Variants in CEP290 observed in about 807,000 individuals in gnomAD.
CEP290 encodes the protein centrosomal protein 290.
CEP290 carries 317 observed loss-of-function variants against 344.9 expected under a neutral mutation model. The observed-to-expected ratio is 0.92, with a 90% CI of 0.84 to 1.01. The LOEUF (loss-of-function observed/expected upper bound fraction) is 1.01. Among genes scored for constraint, CEP290 ranks in the 50% least tolerant of loss-of-function variants. The pLI is 0.00. For missense variants in CEP290, 2,754 were observed against 2,761.4 expected, an observed-to-expected ratio of 1.00 and a Z score of 0.06; for synonymous variants, 932 against 895.8, an observed-to-expected ratio of 1.04 and a Z score of -0.72.
In CEP290 at chr12:88,071,818, TTAAAG is replaced by T. The variant is rs62638180; in HGVS notation, c.5813_5817del (p.Thr1938AsnfsTer16). ...TCCTTCAAAGTATTCAACTGCTTTG[TTAAAG>T]TAAAGACTTCCCCCTCTTTCTCTTT... On this transcript the variant is annotated frameshift_variant, in exon 42 of 54. Coordinates refer to ENST00000552810, the MANE Select transcript of CEP290 (RefSeq NM_025114.4). LOFTEE classifies it high-confidence loss of function. 9 of 1,602,494 alleles carry T rather than the reference TTAAAG, an allele frequency of 5.6e-6. No individual in the cohort carries two copies. The highest frequency in any genetic ancestry group is 2.7e-5 in the African/African-American group (2 of 74,460).
Position 88,086,400 on chromosome 12 carries a change from C to T in CEP290, c.4293G>A (p.Ala1431=), listed in dbSNP as rs377614744. 2.8e-5 allele frequency: 44 copies of T among 1,583,996 alleles called. No individual in the cohort carries two copies. Among genetic ancestry groups the T allele is most frequent in the Non-Finnish European group, 3.5e-5 (41 of 1,162,642 alleles). Residue 1431 remains alanine (A), a synonymous_variant, in exon 33 of 54, where the codon GCG becomes GCA. Transcript: ENST00000552810. ...GATTAATCATTCATACCTTTTGTGC[C>T]GCATTTAGTATTTCATTTTGCTGAC... is the stretch of plus-strand genomic sequence containing the variant. ...FDRQQNEILN[A]AQKFEEATGS...
chr12:88,085,432 C>A (rs1239371807), intron 34 of CEP290, among the ~76,000 whole-genome samples: 5 of 152,002 alleles, frequency 3.3e-5, no homozygotes, highest in Non-Finnish European at 7.4e-5. Flanking sequence ...TGAAGAAAAT[C>A]TACGTTTCCT....
At chr12:88,090,684 G>T in intron 30 of CEP290, 44 bp downstream of exon 30, 1 of 1,172,392 alleles carries the variant, frequency 8.5e-7, no homozygotes, top group Non-Finnish European at 1.2e-6. Context: ...GTAAATTTAG[G>T]GAAAAAAGTG....
chr12:88,096,622 G>A (rs764556436), intron 27 of CEP290, among the ~76,000 whole-genome samples: 11 of 151,782 alleles, frequency 7.2e-5, no homozygotes, highest in Non-Finnish European at 1.6e-4. Context: ...ATTGTTAAAC[G>A]GTTCAAAGTA....
intron 51 of CEP290, 115 bp from the exon 52 acceptor site, chr12:88,053,861 G>A (rs531502015): frequency 1.5e-5 from 8 of 535,612 alleles, no homozygotes; most frequent in African/African-American, 1.2e-4. Context: ...AGCCTTTATC[G>A]AAGTAAACAT....
rs1217541183 is a variant in CEP290 at position 88,106,717 on chromosome 12, C to A, written c.2775G>T (p.Glu925Asp). The change falls in exon 25 of 54, where the codon GAG (glutamate) becomes GAT (aspartate). Residue 925 changes from glutamate to aspartate, a missense_variant. By Grantham distance (45) the Glu-to-Asp change is conservative (BLOSUM62 2). Coordinates refer to ENST00000552810, the MANE Select transcript of CEP290 (RefSeq NM_025114.4). ...ACCCAATTTTTTCACAAACTTCAGC[C>A]TCCATTGACAACAATTCATTCTTTT... Reference protein sequence around the residue: ...EKQKNELLSMEAEVCEKIGCL... With the variant: ...EKQKNELLSMDAEVCEKIGCL... 6.2e-7 allele frequency: 1 copy of A among 1,611,386 alleles called. No homozygotes were observed. The highest frequency in any genetic ancestry group is 8.5e-7 in the Non-Finnish European group (1 of 1,178,954).
chr12:88,131,143 C>A, intron 7 of CEP290, 22 bp downstream of exon 7: 2 of 1,489,426 alleles, frequency 1.3e-6, no homozygotes, highest in South Asian at 1.4e-5. Flanking sequence ...GTTGAACCAC[C>A]ACAACTACTA....
intron 28 of CEP290, 145 bp downstream of exon 28, chr12:88,093,625 C>A: frequency 3.5e-6 from 2 of 576,330 alleles, no homozygotes; most frequent in African/African-American, 1.9e-5. Flanking sequence ...AGATTTAAAT[C>A]TTTTATTTAT....
intron 40 of CEP290, 92 bp downstream of exon 40, chr12:88,077,605 T>C: frequency 1.2e-6 from 1 of 847,578 alleles, no homozygotes; most frequent in Non-Finnish European, 1.8e-6. Context: ...AAGTCAGTTT[T>C]AACAAATACC....
chr12:88,126,199 C>T (rs2138018884), intron 12 of CEP290, 117 bp downstream of exon 12: 1 of 751,796 alleles, frequency 1.3e-6, no homozygotes, highest in African/African-American at 1.8e-5. Context: ...CATTATTATA[C>T]ACTTGGTAGT....
rs2039954903 is a variant in CEP290, at chr12:88,129,761, G to A, written c.785C>T (p.Ala262Val). Reference protein sequence around the residue: ...KMTDEYNRMKAIVHQTDNVID... With the variant: ...KMTDEYNRMKVIVHQTDNVID... ...TACATTATCTGTCTGATGCACAATAGCTTTCATTCTATTATATTCATCAGT... is the reference window on the plus strand; with the variant it reads ...TACATTATCTGTCTGATGCACAATAACTTTCATTCTATTATATTCATCAGT... The change falls in exon 10 of 54, where the codon GCT becomes GTT. Residue 262 changes from alanine (A) to valine (V), a missense_variant. Physicochemically the swap from Ala to Val is moderately conservative, Grantham distance 64. Coordinates refer to ENST00000552810, the MANE Select transcript of CEP290 (RefSeq NM_025114.4). 3.4e-6 allele frequency: 5 copies of A among 1,486,024 alleles called. No homozygotes were observed. The South Asian group carries it at 6.5e-5, about 19-fold the overall frequency. 92.1% of individuals were successfully genotyped at this position (1,486,024 alleles called of 1,614,324 possible).
intron 2 of CEP290, 64 bp downstream of exon 2, chr12:88,141,140 CAT>C (rs1369222305): frequency 2.3e-6 from 3 of 1,285,266 alleles, no homozygotes; most frequent in African/African-American, 3.1e-5. Flanking sequence ...AAAATAAATT[CAT>C]ATTTTATTAA....
At chr12:88,077,651 C>T in intron 40 of CEP290, 46 bp downstream of exon 40, 2 of 1,106,026 alleles carry the variant, frequency 1.8e-6, no homozygotes, top group South Asian at 1.4e-5. Flanking sequence ...AAACTACTAC[C>T]TCTATATTGT....
In CEP290 at chr12:88,139,618, C is replaced by A. The variant is rs554950078; in HGVS notation, c.181-54G>T. ...ATGCCTTTATACTGGAATGTAAGCACTGAAAATAAAAATTCTGTTTTATTT... is the reference window on the plus strand; with the variant it reads ...ATGCCTTTATACTGGAATGTAAGCAATGAAAATAAAAATTCTGTTTTATTT... On this transcript the variant is annotated intron_variant, in intron 3 of 53. Coordinates refer to ENST00000552810, the MANE Select transcript of CEP290 (RefSeq NM_025114.4). 10 of 1,289,610 alleles carry A rather than the reference C, an allele frequency of 7.8e-6. No individual in the cohort carries two copies. The African/African-American group carries it at 1.5e-4, about 20-fold the overall frequency. The allele number at this position is 1,289,610 out of a possible 1,614,324, so 79.9% of individuals were successfully genotyped here.
chr12:88,083,354 T>C (rs2036332723), intron 36 of CEP290, 124 bp from the exon 37 acceptor site: 1 of 566,132 alleles, frequency 1.8e-6, no homozygotes, highest in Non-Finnish European at 2.8e-6. Context: ...AATGATTTAA[T>C]AGGCAATGAA....
In CEP290 at chr12:88,054,240, A is replaced by T; in HGVS notation, c.7034+100T>A. ...TAAGCCTGTTAGGCAGTAAAGTCGAAAAATGCTTGTCTCTAGTTGTAGCAA... is the reference window on the plus strand; with the variant it reads ...TAAGCCTGTTAGGCAGTAAAGTCGATAAATGCTTGTCTCTAGTTGTAGCAA... On this transcript the variant is annotated intron_variant, in intron 51 of 53. Transcript: ENST00000552810. 3.9e-6 allele frequency: 3 copies of T among 768,580 alleles called. No homozygotes were observed. The South Asian group carries it at 5.3e-5, about 14-fold the overall frequency. 47.6% of individuals were successfully genotyped at this position (768,580 alleles called of 1,614,324 possible). A position where few individuals can be genotyped will look rare whatever the true frequency, so the allele number is the denominator to read the frequency against.
At position 88,084,681 on chromosome 12, in the gene CEP290, T is replaced by A; in HGVS notation, c.4609A>T (p.Ile1537Phe). 1 of 1,613,806 alleles carries A rather than the reference T, an allele frequency of 6.2e-7. No individual in the cohort carries two copies. The part of the protein sequence containing the change: ...MEPKSHHTLK[I>F]AHQTIANMQA... ...ATGTTTGCAATGGTTTGATGAGCAA[T>A]TTTCAATGTGTGGTGAGATTTTGGT... The change falls in exon 35 of 54, where the codon ATT (isoleucine) becomes TTT (phenylalanine). Residue 1537 changes from isoleucine to phenylalanine, a missense_variant. Ile to Phe is a conservative substitution (Grantham distance 21). Transcript: ENST00000552810.
At chr12:88,050,918 G>A (rs971381137) in intron 52 of CEP290, among the ~76,000 whole-genome samples, 4 of 152,070 alleles carry the variant, frequency 2.6e-5, no homozygotes, top group Admixed American at 2.6e-4. Context: ...ACAAAGATAA[G>A]TAAGACATAG....
Position 88,090,755 on chromosome 12 carries a change from G to A in CEP290, c.3546C>T (p.Ser1182=), listed in dbSNP as rs760639256. The change falls in exon 30 of 54, where the codon TCC becomes TCT. Residue 1182 remains serine (S), a synonymous_variant. Transcript: ENST00000552810. ...QQQSRDKEVE[S]LRMQLLDYQA... ...GATAGTCTAGCAGTTGCATTCTGAGGGACTCTACTTCCTTGTCCCTAGATT... is the reference window on the plus strand; with the variant it reads ...GATAGTCTAGCAGTTGCATTCTGAGAGACTCTACTTCCTTGTCCCTAGATT... The A allele has an allele frequency of 6.4e-7, 1 of 1,560,366 alleles. No homozygotes were observed. Among genetic ancestry groups the A allele is most frequent in the African/African-American group, 1.4e-5 (1 of 73,882 alleles).
Sources: allele counts gnomAD v4.1 joint callset (sites outside exome capture counted in the v4.1 genomes callset), GRCh38; gene constraint gnomAD v4.1.1; transcripts MANE v1.5; gene names NCBI Gene and HGNC (gene_info 2026-07-23, HGNC 2026-07-21).